Variants in FCHSD2 observed in about 807,000 individuals in gnomAD.
FCHSD2 encodes FCH and double SH3 domains 2.
Under a neutral mutation model 108.1 loss-of-function variants are expected in FCHSD2, and 38 were observed. That is an observed-to-expected ratio of 0.35 (90% CI 0.27 to 0.46). The LOEUF (loss-of-function observed/expected upper bound fraction) is 0.46. FCHSD2 is among the 20% of genes least tolerant of loss of function. FCHSD2 has a pLI of 1.00. For missense variants in FCHSD2, 751 were observed against 897.8 expected, an observed-to-expected ratio of 0.84 and a Z score of 2.09; for synonymous variants, 279 against 314.7, an observed-to-expected ratio of 0.89 and a Z score of 1.20.
At chr11:73,042,624 T>C (rs534487895) in intron 3 of FCHSD2, among the ~76,000 whole-genome samples, 25 of 152,320 alleles carry the variant, frequency 1.6e-4, no homozygotes, top group Middle Eastern at 3.4e-3. Flanking sequence ...AGAGACTGCA[T>C]TGAATCTGTT....
chr11:72,995,673 T>C (rs546175105), intron 5 of FCHSD2, among the ~76,000 whole-genome samples: 1 of 144,572 alleles, frequency 6.9e-6, no homozygotes, highest in East Asian at 2.0e-4. Flanking sequence ...CACTGCACTC[T>C]AGCAGGGGTG....
At chr11:73,130,106 T>C (rs373805762) in intron 2 of FCHSD2, among the ~76,000 whole-genome samples, 1 of 151,876 alleles carries the variant, frequency 6.6e-6, no homozygotes, top group East Asian at 1.9e-4. Context: ...AATCTCCTGA[T>C]CTCGTGATCC....
At chr11:72,970,273 T>C (rs556805983) in intron 8 of FCHSD2, among the ~76,000 whole-genome samples, 2 of 152,246 alleles carry the variant, frequency 1.3e-5, no homozygotes, top group Admixed American at 6.5e-5. Context: ...CAACAATAAA[T>C]ATTACAGAAT....
At chr11:72,871,857 G>A (rs1034164210) in intron 12 of FCHSD2, among the ~76,000 whole-genome samples, 1 of 150,482 alleles carries the variant, frequency 6.6e-6, no homozygotes, top group African/African-American at 2.4e-5. Context: ...CTGCAAAAGT[G>A]TTGGGATTAC....
intron 13 of FCHSD2, among the ~76,000 whole-genome samples, chr11:72,858,590 G>A (rs577950281): frequency 2.6e-5 from 4 of 152,168 alleles, no homozygotes; most frequent in Non-Finnish European, 4.4e-5. Flanking sequence ...ACATAGAGGG[G>A]ATCAACAGAC....
At chr11:73,077,574 A>T (rs1297174608) in intron 3 of FCHSD2, 1 of 409,236 alleles carries the variant, frequency 2.4e-6, no homozygotes, top group Non-Finnish European at 4.7e-6. Context: ...ACAAATGTTT[A>T]TAGCAACTTT....
intron 8 of FCHSD2, among the ~76,000 whole-genome samples, chr11:72,962,255 G>A (rs1384160825): frequency 1.1e-4 from 17 of 152,140 alleles, no homozygotes; most frequent in Admixed American, 9.2e-4. Context: ...CAAGTATGTG[G>A]TATAGTTTTC....
intron 8 of FCHSD2, among the ~76,000 whole-genome samples, chr11:72,924,776 T>C (rs746892598): frequency 2.0e-5 from 3 of 151,974 alleles, no homozygotes; most frequent in African/African-American, 4.8e-5. Context: ...GATGACACCA[T>C]TGAGCACTTC....
At chr11:73,028,724 G>C (rs936122876) in intron 3 of FCHSD2, among the ~76,000 whole-genome samples, 7 of 152,140 alleles carry the variant, frequency 4.6e-5, no homozygotes, top group African/African-American at 7.2e-5. Context: ...CATGTGTCAG[G>C]GGAAAAACCT....
At chr11:72,962,000 T>C (rs1161271580) in intron 8 of FCHSD2, among the ~76,000 whole-genome samples, 1 of 152,220 alleles carries the variant, frequency 6.6e-6, no homozygotes, top group Non-Finnish European at 1.5e-5. Flanking sequence ...TAACCCTTAA[T>C]AAGCATTGTT....
Position 72,838,668 on chromosome 11 carries a change from TA to T in FCHSD2, c.*122del. 1.3e-6 allele frequency: 1 copy of T among 778,062 alleles called. No individual in the cohort carries two copies. Among genetic ancestry groups the T allele is most frequent in the Non-Finnish European group, 2.2e-6 (1 of 463,370 alleles). 48.2% of individuals were successfully genotyped at this position (778,062 alleles called of 1,614,324 possible). On this transcript the variant is annotated 3_prime_UTR_variant, in exon 20 of 20. Transcript: ENST00000409418. ...GTCTACCAGGCCACCCAGTCACACA[TA>T]ATCCTCCTTGTTTTTTGCTCTGTTC...
At chr11:72,911,058 C>T (rs1344625691) in intron 9 of FCHSD2, among the ~76,000 whole-genome samples, 3 of 152,142 alleles carry the variant, frequency 2.0e-5, no homozygotes, top group Non-Finnish European at 2.9e-5. Context: ...ATTACTCAAT[C>T]TTTGCCTAGT....
At position 72,839,367 on chromosome 11, in the gene FCHSD2, T is replaced by G. The variant is rs570015619; in HGVS notation, c.2140-493A>C. ...CAAAAGAGGAGTTTTTGGTGGATTT[T>G]AAGCAATATCAGATCTGCGAAAAGA... On this transcript the variant is annotated intron_variant, in intron 19 of 19. Coordinates refer to ENST00000409418, the MANE Select transcript of FCHSD2 (RefSeq NM_014824.3). 8.0e-4 allele frequency among the ~76,000 whole-genome samples: 122 copies of G among 152,326 alleles called. 1 individual carries two copies. The highest frequency in any genetic ancestry group is 6.0e-3 in the South Asian group (29 of 4,828).
intron 18 of FCHSD2, 59 bp downstream of exon 18, chr11:72,841,395 G>C: frequency 6.8e-7 from 1 of 1,465,926 alleles, no homozygotes; most frequent in African/African-American, 1.4e-5. Flanking sequence ...CCCTTCAGGC[G>C]AATATGTAGG....
At chr11:72,989,671 C>T (rs189115800) in intron 5 of FCHSD2, among the ~76,000 whole-genome samples, 2 of 152,224 alleles carry the variant, frequency 1.3e-5, no homozygotes, top group East Asian at 1.9e-4. Flanking sequence ...CATATACATT[C>T]GAGGAGAAGG....
chr11:72,959,779 C>T (rs765544312), intron 8 of FCHSD2, among the ~76,000 whole-genome samples: 1 of 151,870 alleles, frequency 6.6e-6, no homozygotes, highest in Non-Finnish European at 1.5e-5. Flanking sequence ...GAGATCAAGA[C>T]AGATCATGTA....
intron 4 of FCHSD2, among the ~76,000 whole-genome samples, chr11:73,014,464 G>A (rs1857927713): frequency 6.6e-6 from 1 of 152,084 alleles, no homozygotes. Flanking sequence ...ATGCTCTATT[G>A]CAATCATACT....
At chr11:73,060,566 GCTAT>G (rs1859136742) in intron 3 of FCHSD2, among the ~76,000 whole-genome samples, 1 of 152,238 alleles carries the variant, frequency 6.6e-6, no homozygotes, top group Non-Finnish European at 1.5e-5. Context: ...AGCCATAAAG[GCTAT>G]CTAAGAAAGA....
chr11:73,079,479 T>C (rs1324227652), intron 3 of FCHSD2, among the ~76,000 whole-genome samples: 1 of 152,210 alleles, frequency 6.6e-6, no homozygotes, highest in Non-Finnish European at 1.5e-5. Context: ...ATTACAGGCA[T>C]GAGCCACTTT....
Sources: allele counts gnomAD v4.1 joint callset (sites outside exome capture counted in the v4.1 genomes callset), GRCh38; gene constraint gnomAD v4.1.1; transcripts MANE v1.5; gene names NCBI Gene and HGNC (gene_info 2026-07-23, HGNC 2026-07-21).